Variants in CFAP299 observed in about 807,000 individuals in gnomAD.
CFAP299 encodes the protein cilia- and flagella-associated protein 299.
Under a neutral mutation model 27.0 loss-of-function variants are expected in CFAP299, and 21 were observed. The ratio of observed to expected loss-of-function variants is 0.78; its 90% CI spans 0.55 to 1.12. CFAP299 has a LOEUF of 1.12. CFAP299 is among the 50% of genes most tolerant of loss of function. The pLI is 0.00. For missense variants in CFAP299, 310 were observed against 276.6 expected (o/e 1.12, Z -0.86); for synonymous variants, 104 against 98.1 (o/e 1.06, Z -0.36).
chr4:80,565,656 A>G (rs1457951013), intron 2 of CFAP299, among the ~76,000 whole-genome samples: 2 of 152,076 alleles, frequency 1.3e-5, no homozygotes, highest in Non-Finnish European at 2.9e-5. Context: ...TATCATACCT[A>G]TTTAAAAATG....
intron 2 of CFAP299, among the ~76,000 whole-genome samples, chr4:80,467,999 GTGGGGATTA>G (rs1729791719): frequency 6.6e-6 from 1 of 152,154 alleles, no homozygotes; most frequent in Admixed American, 6.5e-5. Context: ...CTCTTGACCT[GTGGGGATTA>G]TGGGGATTAC....
In CFAP299 at chr4:80,390,919, A is replaced by C. The variant is rs951663264; in HGVS notation, c.242+28035A>C. Among the ~76,000 whole-genome samples the C allele has an allele frequency of 3.1e-3, 129 of 42,198 alleles. 5 individuals are homozygous for C. The highest frequency in any genetic ancestry group is 8.9e-3 in the Admixed American group (20 of 2,248). 27.7% of individuals were successfully genotyped at this position (42,198 alleles called of 152,430 possible). On this transcript the variant is annotated intron_variant, in intron 2 of 5. Coordinates refer to ENST00000358105, the MANE Select transcript of CFAP299 (RefSeq NM_152770.3). ...CACATATGCATATATGTATATACAC[A>C]CATATGTATATATGTATATATGTAT...
intron 4 of CFAP299, among the ~76,000 whole-genome samples, chr4:80,924,010 G>C (rs968118575): frequency 1.3e-5 from 2 of 151,966 alleles, no homozygotes; most frequent in Non-Finnish European, 2.9e-5. Context: ...ATTGATGAGA[G>C]TGAGTTTGCA....
At chr4:80,682,659 C>G (rs532257702) in intron 3 of CFAP299, among the ~76,000 whole-genome samples, 1 of 152,114 alleles carries the variant, frequency 6.6e-6, no homozygotes, top group African/African-American at 2.4e-5. Context: ...TCTCTTTCCC[C>G]AAAGTCACAT....
intron 3 of CFAP299, among the ~76,000 whole-genome samples, chr4:80,803,408 T>A (rs1159082070): frequency 2.0e-5 from 3 of 152,066 alleles, no homozygotes; most frequent in African/African-American, 2.4e-5. Context: ...AGAATTATTA[T>A]CAAAATATTA....
At chr4:80,865,974 C>A (rs79807642) in intron 3 of CFAP299, among the ~76,000 whole-genome samples, 2 of 143,494 alleles carry the variant, frequency 1.4e-5, no homozygotes, top group South Asian at 4.5e-4. Context: ...AGGTAAATGA[C>A]GAGTTAATGG....
At chr4:80,501,518 A>AT (rs1731741458) in intron 2 of CFAP299, among the ~76,000 whole-genome samples, 1 of 147,786 alleles carries the variant, frequency 6.8e-6, no homozygotes, top group African/African-American at 2.4e-5. Flanking sequence ...ATGTACATAT[A>AT]AATATATAAA....
intron 4 of CFAP299, chr4:80,870,344 G>T: frequency 8.2e-7 from 1 of 1,224,032 alleles, no homozygotes; most frequent in Non-Finnish European, 1.0e-6. Context: ...ATTCTTCAGA[G>T]ACAAGATAAG....
Position 80,386,516 on chromosome 4 carries a change from G to GGC in CFAP299, c.242+23633_242+23634insCG, listed in dbSNP as rs538129650. Reference sequence around the variant, plus strand: ...CCCTCTTCTCGCGGGCGGTGGTGGGGGGGGGGGGTGCCGCCGGGTTTGCAG... The same window carrying GGC: ...CCCTCTTCTCGCGGGCGGTGGTGGGGGCGGGGGGGGTGCCGCCGGGTTTGCAG... On this transcript the variant is annotated intron_variant, in intron 2 of 5. Transcript: ENST00000358105. The GGC allele has an allele frequency of 7.9e-3, 11,775 of 1,487,466 alleles. 67 individuals are homozygous for GGC. The highest frequency in any genetic ancestry group is 0.03 in the Middle Eastern group (174 of 5,750). The allele number at this position is 1,487,466 out of a possible 1,614,324, so 92.1% of individuals were successfully genotyped here. A position where few individuals can be genotyped will look rare whatever the true frequency, so the allele number is the denominator to read the frequency against.
chr4:80,402,724 T>C (rs545794385), intron 2 of CFAP299, among the ~76,000 whole-genome samples: 1 of 152,234 alleles, frequency 6.6e-6, no homozygotes, highest in South Asian at 2.1e-4. Flanking sequence ...CAAACTGCTC[T>C]GGATTTCTAA....
In CFAP299 at chr4:80,345,267, TTTG is replaced by T. The variant is rs1439616177; in HGVS notation, c.111+9391_111+9393del. 1.6e-4 allele frequency among the ~76,000 whole-genome samples: 24 copies of T among 151,646 alleles called. No individual in the cohort carries two copies. The East Asian group carries it at 4.7e-3, about 29-fold the overall frequency. ...CATTGTCCCAGCCCAACAGTTTCTT[TTTG>T]TTATTATTATTATTATTATTATACT... On this transcript the variant is annotated intron_variant, in intron 1 of 5. Transcript: ENST00000358105.
intron 3 of CFAP299, among the ~76,000 whole-genome samples, chr4:80,664,099 T>G (rs1274009360): frequency 6.6e-6 from 1 of 152,216 alleles, no homozygotes; most frequent in Non-Finnish European, 1.5e-5. Flanking sequence ...TTCATGCTGA[T>G]GACAGTTTCT....
intron 4 of CFAP299, among the ~76,000 whole-genome samples, chr4:80,929,321 C>G (rs975394627): frequency 1.3e-5 from 2 of 149,206 alleles, no homozygotes; most frequent in African/African-American, 5.1e-5. Context: ...CATTATCCCT[C>G]TGGTCTCTAC....
chr4:80,395,783 A>G (rs1317486757), intron 2 of CFAP299, among the ~76,000 whole-genome samples: 1 of 152,166 alleles, frequency 6.6e-6, no homozygotes, highest in Non-Finnish European at 1.5e-5. Context: ...AGCCCATGAA[A>G]CTGCTCATTT....
chr4:80,913,335 G>A (rs920330220), intron 4 of CFAP299, among the ~76,000 whole-genome samples: 2 of 152,136 alleles, frequency 1.3e-5, no homozygotes, highest in African/African-American at 4.8e-5. Context: ...GGTGGGCTGA[G>A]GAATTGTGAA....
intron 1 of CFAP299, among the ~76,000 whole-genome samples, chr4:80,358,729 G>C (rs1723396351): frequency 6.6e-6 from 1 of 152,108 alleles, no homozygotes; most frequent in Non-Finnish European, 1.5e-5. Flanking sequence ...TTGCTTGTGA[G>C]ATTGATCTCT....
intron 3 of CFAP299, among the ~76,000 whole-genome samples, chr4:80,849,038 T>C (rs887042460): frequency 2.6e-5 from 4 of 152,192 alleles, no homozygotes; most frequent in Non-Finnish European, 5.9e-5. Context: ...TACGATGACA[T>C]TTTTACTTTA....
chr4:80,550,873 A>G (rs1012435190), intron 2 of CFAP299, among the ~76,000 whole-genome samples: 4 of 152,108 alleles, frequency 2.6e-5, no homozygotes, highest in Non-Finnish European at 5.9e-5. Context: ...AAACTATGCT[A>G]TAACTGCTTA....
At chr4:80,815,129 A>C (rs1729358413) in intron 3 of CFAP299, among the ~76,000 whole-genome samples, 1 of 152,082 alleles carries the variant, frequency 6.6e-6, no homozygotes, top group Admixed American at 6.6e-5. Flanking sequence ...AATGTAGCAC[A>C]AAAAAGACAT....
Sources: allele counts gnomAD v4.1 joint callset (sites outside exome capture counted in the v4.1 genomes callset), GRCh38; gene constraint gnomAD v4.1.1; transcripts MANE v1.5; gene names NCBI Gene and HGNC (gene_info 2026-07-23, HGNC 2026-07-21).